Variants in TJP2 observed in about 807,000 individuals in gnomAD.
TJP2 encodes the protein Friedreich ataxia region gene X104 (tight junction protein ZO-2).
In TJP2, 91 loss-of-function variants were observed where a neutral mutation model predicts 133.1. The observed-to-expected ratio is 0.68, with a 90% CI of 0.58 to 0.81. The LOEUF is 0.81. Among genes scored for constraint, TJP2 ranks in the 40% least tolerant of loss-of-function variants. The pLI is 0.00. For missense variants in TJP2, 1,541 were observed against 1,565.6 expected, an observed-to-expected ratio of 0.98 and a Z score of 0.26; for synonymous variants, 592 against 583.4, an observed-to-expected ratio of 1.01 and a Z score of -0.21.
intron 11 of TJP2, among the ~76,000 whole-genome samples, chr9:69,234,131 C>G (rs777039475): frequency 2.6e-5 from 4 of 152,156 alleles, no homozygotes; most frequent in African/African-American, 7.2e-5. Flanking sequence ...TAGAAACAAC[C>G]ACAAGAAATT....
At chr9:69,227,404 C>G (rs1829432903) in intron 7 of TJP2, among the ~76,000 whole-genome samples, 1 of 152,184 alleles carries the variant, frequency 6.6e-6, no homozygotes, top group Non-Finnish European at 1.5e-5. Context: ...ACAACAACTG[C>G]ATCCTAACAA....
intron 2 of TJP2, chr9:69,151,867 G>A (rs926046678): frequency 1.7e-6 from 2 of 1,184,172 alleles, no homozygotes; most frequent in Admixed American, 4.2e-5. Context: ...GGTAGTCAGA[G>A]TTACCATTTT....
Position 69,225,277 on chromosome 9 carries a change from G to A in TJP2, c.953-27G>A, listed in dbSNP as rs376682070. The A allele has an allele frequency of 4.1e-5, 56 of 1,378,722 alleles. 1 individual carries two copies. Among genetic ancestry groups the A allele is most frequent in the South Asian group, 3.2e-4 (27 of 85,710 alleles). The allele number at this position is 1,378,722 out of a possible 1,614,324, so 85.4% of individuals were successfully genotyped here. ...TTTTTTGAACAAATTGATAACATAC[G>A]TGTATGTTTATGTGTTTGTCTCCTA... On this transcript the variant is annotated intron_variant, in intron 5 of 22. Transcript: ENST00000377245.
At chr9:69,217,683 CT>C (rs1828495549) in intron 3 of TJP2, among the ~76,000 whole-genome samples, 1 of 152,110 alleles carries the variant, frequency 6.6e-6, no homozygotes, top group Non-Finnish European at 1.5e-5. Context: ...GAAACCATGC[CT>C]CTTAAAAAAT....
chr9:69,237,251 C>T (rs576131215), intron 14 of TJP2, 115 bp downstream of exon 14: 1 of 1,267,128 alleles, frequency 7.9e-7, no homozygotes, highest in Admixed American at 1.8e-5. Context: ...ATGCCAAAGG[C>T]AGTTTATAGA....
chr9:69,128,456 A>G (rs1822345548), intron 1 of TJP2, among the ~76,000 whole-genome samples: 1 of 150,956 alleles, frequency 6.6e-6, no homozygotes, highest in Non-Finnish European at 1.5e-5. Flanking sequence ...TTGGTGTGTG[A>G]TTTTGGTTTT....
At chr9:69,215,519 G>A (rs1450139113) in intron 2 of TJP2, among the ~76,000 whole-genome samples, 1 of 151,754 alleles carries the variant, frequency 6.6e-6, no homozygotes, top group Non-Finnish European at 1.5e-5. Context: ...CAAGTATCTG[G>A]GACTATGGAT....
At position 69,246,810 on chromosome 9, in the gene TJP2, T is replaced by C. The variant is rs775790511; in HGVS notation, c.2667+20T>C. 39 of 1,600,052 alleles carry C rather than the reference T, an allele frequency of 2.4e-5. 1 individual carries two copies. The South Asian group carries it at 4.0e-4, about 16-fold the overall frequency. On this transcript the variant is annotated intron_variant, in intron 18 of 22. Transcript: ENST00000377245. ...GGAAAGGTATGTGGCATAGATATGCTGCTATGAGGTGAGAGTCCCTGTTCT... is the reference window on the plus strand; with the variant it reads ...GGAAAGGTATGTGGCATAGATATGCCGCTATGAGGTGAGAGTCCCTGTTCT...
At chr9:69,152,817 C>CTTTTT (rs10543289) in intron 2 of TJP2, among the ~76,000 whole-genome samples, 1,061 of 48,036 alleles carry the variant, frequency 0.022, 218 homozygotes, top group Non-Finnish European at 0.03. Flanking sequence ...CTCTGGAGCT[C>CTTTTT]TTTTTTTTTT....
chr9:69,238,004 A>C (rs774545363), intron 15 of TJP2, 31 bp downstream of exon 15: 1 of 1,553,610 alleles, frequency 6.4e-7, no homozygotes, highest in Non-Finnish European at 8.9e-7. Flanking sequence ...TTTTCCCCCA[A>C]ATTTTTATTT....
At chr9:69,241,077 A>G (rs75889876) in intron 17 of TJP2, among the ~76,000 whole-genome samples, 7,575 of 152,264 alleles carry the variant, frequency 0.05, 220 homozygotes, top group Middle Eastern at 0.11. Context: ...ACTGGTTGAT[A>G]TGTACATCGG....
At chr9:69,145,811 A>G in intron 1 of TJP2, 1 of 1,232,086 alleles carries the variant, frequency 8.1e-7, no homozygotes, top group Non-Finnish European at 1.0e-6. Context: ...ACCTTTGGCA[A>G]CAACCTGGGT....
intron 1 of TJP2, among the ~76,000 whole-genome samples, chr9:69,138,453 C>G (rs1231728053): frequency 6.8e-6 from 1 of 147,256 alleles, no homozygotes; most frequent in Non-Finnish European, 1.5e-5. Flanking sequence ...CAAGACAAAA[C>G]TGGATGAGAA....
At chr9:69,151,630 TAAC>T (rs1181503527) in intron 1 of TJP2, 2 of 1,232,018 alleles carry the variant, frequency 1.6e-6, no homozygotes, top group East Asian at 6.3e-5. Context: ...GTTGGATTTT[TAAC>T]AACACTGTCT....
chr9:69,167,023 A>G (rs925359425), intron 2 of TJP2, among the ~76,000 whole-genome samples: 1 of 151,792 alleles, frequency 6.6e-6, no homozygotes, highest in Non-Finnish European at 1.5e-5. Context: ...ACTTGAGGTC[A>G]GGAGTTCAAA....
intron 1 of TJP2, among the ~76,000 whole-genome samples, chr9:69,149,732 C>T (rs1587911026): frequency 6.6e-6 from 1 of 152,126 alleles, no homozygotes; most frequent in Non-Finnish European, 1.5e-5. Context: ...TTGTGGTATT[C>T]GAAAGGCACA....
At chr9:69,195,682 C>T (rs1225156928) in intron 1 of TJP2, among the ~76,000 whole-genome samples, 2 of 152,124 alleles carry the variant, frequency 1.3e-5, no homozygotes, top group East Asian at 1.9e-4. Context: ...TGTTTCAGGC[C>T]CCCCCTTTTC....
chr9:69,200,742 G>C (rs1826928677), intron 1 of TJP2, among the ~76,000 whole-genome samples: 1 of 152,048 alleles, frequency 6.6e-6, no homozygotes, highest in African/African-American at 2.4e-5. Context: ...CACTCACCCT[G>C]CTCCAGCCCA....
At chr9:69,127,365 G>A (rs12686117) in intron 1 of TJP2, among the ~76,000 whole-genome samples, 13,983 of 75,062 alleles carry the variant, frequency 0.19, 5,882 homozygotes, top group East Asian at 0.71. Context: ...CACCGCGCCC[G>A]GCCGCAAGGG....
Sources: gnomAD v4.1 joint callset for allele counts (sites outside exome capture counted in the v4.1 genomes callset) on GRCh38, gnomAD v4.1.1 for gene constraint, MANE v1.5 for transcripts, NCBI Gene and HGNC (gene_info 2026-07-23, HGNC 2026-07-21) for gene names.